Variants in SEMA6D observed in about 807,000 individuals in gnomAD.
SEMA6D encodes semaphorin 6D.
A neutral mutation model predicts 106.6 loss-of-function variants in SEMA6D; 35 were observed. That is an observed-to-expected ratio of 0.33 (90% confidence interval 0.25 to 0.44). SEMA6D has a LOEUF of 0.44. Ranked by LOEUF, SEMA6D falls within the 20% of genes least tolerant of loss-of-function variation. The pLI, the probability that SEMA6D is intolerant of heterozygous loss-of-function variation, is 1.00. For synonymous variants in SEMA6D, 499 were observed against 487.7 expected (o/e 1.02, Z -0.31); for missense variants, 1,185 against 1,345.9 (o/e 0.88, Z 1.87).
At chr15:47,278,666 T>C (rs1031337789) in intron 1 of SEMA6D, among the ~76,000 whole-genome samples, 2 of 152,020 alleles carry the variant, frequency 1.3e-5, no homozygotes, top group African/African-American at 2.4e-5. Context: ...GCTTTTGGTG[T>C]TTTAGACATG....
At chr15:47,677,307 C>A (rs909421290) in intron 4 of SEMA6D, among the ~76,000 whole-genome samples, 2 of 152,126 alleles carry the variant, frequency 1.3e-5, no homozygotes, top group Non-Finnish European at 2.9e-5. Context: ...GATTGTATTG[C>A]CTGTATATGG....
rs12324072 is a variant in SEMA6D, at chr15:47,540,257, C to T, written c.-86-60608C>T. Among the ~76,000 whole-genome samples the T allele has an allele frequency of 8.8e-3, 1,334 of 152,134 alleles. 24 individuals carry two copies. The highest frequency in any genetic ancestry group is 0.03 in the African/African-American group (1,261 of 41,504). On this transcript the variant is annotated intron_variant, in intron 3 of 19. Transcript: ENST00000558014. ...TTCAGGGAATCCACCCACATATAAACGAGATTTGCCTGTAGCTTAGAAAGA... is the reference window on the plus strand; with the variant it reads ...TTCAGGGAATCCACCCACATATAAATGAGATTTGCCTGTAGCTTAGAAAGA...
chr15:47,363,790 G>C (rs2038904619), intron 1 of SEMA6D, among the ~76,000 whole-genome samples: 3 of 152,146 alleles, frequency 2.0e-5, no homozygotes, highest in Admixed American at 2.0e-4. Context: ...ATTTATACAG[G>C]AAAGAGGTTT....
intron 4 of SEMA6D, among the ~76,000 whole-genome samples, chr15:47,656,808 A>G (rs1433623379): frequency 1.3e-5 from 2 of 152,196 alleles, no homozygotes; most frequent in African/African-American, 4.8e-5. Flanking sequence ...CCTTTTGCAA[A>G]CAGCTACAAA....
At chr15:47,189,750 C>G (rs942386064) in intron 1 of SEMA6D, among the ~76,000 whole-genome samples, 1 of 152,120 alleles carries the variant, frequency 6.6e-6, no homozygotes, top group South Asian at 2.1e-4. Flanking sequence ...TGAACTGAAA[C>G]GAACTATCAA....
chr15:47,504,073 C>G (rs2043954963), intron 3 of SEMA6D, among the ~76,000 whole-genome samples: 1 of 152,214 alleles, frequency 6.6e-6, no homozygotes, highest in Non-Finnish European at 1.5e-5. Flanking sequence ...ATGAAGCCCT[C>G]TGCTCCTCCC....
intron 1 of SEMA6D, among the ~76,000 whole-genome samples, chr15:47,278,853 C>T (rs1305010365): frequency 6.8e-6 from 1 of 146,882 alleles, no homozygotes; most frequent in Non-Finnish European, 1.5e-5. Flanking sequence ...TTTCCCAGCA[C>T]CATTTATTAA....
intron 1 of SEMA6D, among the ~76,000 whole-genome samples, chr15:47,288,885 G>T (rs2035483274): frequency 6.6e-6 from 1 of 152,088 alleles, no homozygotes; most frequent in Non-Finnish European, 1.5e-5. Context: ...AATTCTGATT[G>T]GGAGCATACT....
intron 3 of SEMA6D, among the ~76,000 whole-genome samples, chr15:47,541,551 GAA>G (rs1285505122): frequency 6.6e-6 from 1 of 152,138 alleles, no homozygotes; most frequent in African/African-American, 2.4e-5. Flanking sequence ...ACACAGGAGA[GAA>G]ATGGTAGAGG....
intron 4 of SEMA6D, among the ~76,000 whole-genome samples, chr15:47,700,216 A>G (rs1279812226): frequency 1.3e-5 from 2 of 152,224 alleles, no homozygotes; most frequent in Non-Finnish European, 2.9e-5. Context: ...AAATTGATCT[A>G]TAGTTTCAAT....
intron 3 of SEMA6D, among the ~76,000 whole-genome samples, chr15:47,471,975 GAA>G (rs2042861651): frequency 9.7e-6 from 1 of 103,464 alleles, no homozygotes; most frequent in African/African-American, 3.4e-5. Flanking sequence ...ACACACACAC[GAA>G]AAAGAGAAAG....
chr15:47,586,642 C>A (rs1417246999), intron 3 of SEMA6D, among the ~76,000 whole-genome samples: 1 of 152,172 alleles, frequency 6.6e-6, no homozygotes, highest in Non-Finnish European at 1.5e-5. Flanking sequence ...AAACCAACAG[C>A]ATTTTACAAT....
At chr15:47,271,029 T>G (rs2034538599) in intron 1 of SEMA6D, among the ~76,000 whole-genome samples, 1 of 152,148 alleles carries the variant, frequency 6.6e-6, no homozygotes, top group South Asian at 2.1e-4. Flanking sequence ...GCATTAACTA[T>G]GTATGGTTCA....
chr15:47,382,907 A>G (rs1416550484), intron 1 of SEMA6D, among the ~76,000 whole-genome samples: 2 of 151,124 alleles, frequency 1.3e-5, no homozygotes, highest in African/African-American at 4.8e-5. Flanking sequence ...AGCTGAGATT[A>G]CAGGTGTTTG....
At chr15:47,298,170 T>G (rs1050470989) in intron 1 of SEMA6D, among the ~76,000 whole-genome samples, 1 of 152,136 alleles carries the variant, frequency 6.6e-6, no homozygotes, top group African/African-American at 2.4e-5. Context: ...CTCATGGAGA[T>G]GTGACCAGAA....
At chr15:47,268,457 G>C (rs754841324) in intron 1 of SEMA6D, among the ~76,000 whole-genome samples, 1 of 152,152 alleles carries the variant, frequency 6.6e-6, no homozygotes, top group Non-Finnish European at 1.5e-5. Flanking sequence ...TAATCTGCAA[G>C]TGAGTGTTAG....
chr15:47,742,711 G>C (rs1270718212), intron 1 of SEMA6D, among the ~76,000 whole-genome samples: 1 of 152,136 alleles, frequency 6.6e-6, no homozygotes. Flanking sequence ...AATAGATGCA[G>C]CCCCTCAGGA....
intron 3 of SEMA6D, among the ~76,000 whole-genome samples, chr15:47,547,008 G>A (rs986707536): frequency 4.6e-5 from 7 of 152,094 alleles, no homozygotes; most frequent in Non-Finnish European, 8.8e-5. Flanking sequence ...GGAAGAGTCA[G>A]TGGAGGATCA....
At chr15:47,342,820 C>T (rs963154226) in intron 1 of SEMA6D, among the ~76,000 whole-genome samples, 4 of 152,178 alleles carry the variant, frequency 2.6e-5, no homozygotes, top group African/African-American at 9.6e-5. Flanking sequence ...AAGTGATTCT[C>T]CTGCCTCAGC....
Sources: gnomAD v4.1 joint callset for allele counts (sites outside exome capture counted in the v4.1 genomes callset) on GRCh38, gnomAD v4.1.1 for gene constraint, MANE v1.5 for transcripts, NCBI Gene and HGNC (gene_info 2026-07-23, HGNC 2026-07-21) for gene names.